The following PARK7 variants were observed in gnomAD, a reference collection of about 807,000 sequenced individuals.
PARK7 encodes the protein Parkinson disease protein 7.
In PARK7, 14 loss-of-function variants were observed where a neutral mutation model predicts 20.5. That is an observed-to-expected ratio of 0.68 (90% confidence interval 0.45 to 1.07). PARK7 has a LOEUF of 1.07. Ranked by LOEUF, PARK7 falls within the 50% of genes least tolerant of loss-of-function variation. The pLI is 0.00. For missense variants in PARK7, 234 were observed against 238.1 expected (o/e 0.98, Z 0.11); for synonymous variants, 98 against 84.3 (o/e 1.16, Z -0.89).
intron 5 of PARK7, among the ~76,000 whole-genome samples, chr1:7,973,582 C>T (rs1197448463): frequency 1.3e-5 from 2 of 152,064 alleles, no homozygotes; most frequent in Non-Finnish European, 2.9e-5. Context: ...GGCGTGGTGG[C>T]GCGTGCCTGT....
intron 4 of PARK7, 127 bp from the exon 5 acceptor site, chr1:7,970,767 A>G: frequency 1.2e-6 from 1 of 850,998 alleles, no homozygotes; most frequent in Non-Finnish European, 1.9e-6. Flanking sequence ...ATTTAGAAAT[A>G]TTGTTGGAAA....
At chr1:7,965,215 C>G (rs7517357) in intron 2 of PARK7, 109 bp from the exon 3 acceptor site, 1 of 967,774 alleles carries the variant, frequency 1.0e-6, no homozygotes, top group Non-Finnish European at 1.6e-6. Context: ...GCCCTCTAGC[C>G]CAGGTGACAG....
At chr1:7,976,151 A>G (rs1232592206) in intron 5 of PARK7, among the ~76,000 whole-genome samples, 1 of 152,206 alleles carries the variant, frequency 6.6e-6, no homozygotes, top group Admixed American at 6.5e-5. Flanking sequence ...ATGAAAGGAC[A>G]GTAAGACCAA....
intron 5 of PARK7, among the ~76,000 whole-genome samples, chr1:7,974,894 T>G (rs796335223): frequency 6.6e-6 from 1 of 151,408 alleles, no homozygotes; most frequent in Non-Finnish European, 1.5e-5. Flanking sequence ...TTGCTCTTGT[T>G]GCCCAAGCTG....
At chr1:7,963,914 T>G (rs915329145) in intron 2 of PARK7, among the ~76,000 whole-genome samples, 2 of 151,512 alleles carry the variant, frequency 1.3e-5, no homozygotes, top group Non-Finnish European at 2.9e-5. Flanking sequence ...CCTCCTGGGT[T>G]CAAGCAGTTC....
At chr1:7,974,263 C>A (rs1640527170) in intron 5 of PARK7, among the ~76,000 whole-genome samples, 1 of 151,114 alleles carries the variant, frequency 6.6e-6, no homozygotes, top group African/African-American at 2.4e-5. Context: ...TTTGAGGTTA[C>A]ATTGAGATGT....
intron 5 of PARK7, 78 bp from the exon 6 acceptor site, chr1:7,977,574 T>C: frequency 7.8e-7 from 1 of 1,282,794 alleles, no homozygotes. Flanking sequence ...CATGAGCCAC[T>C]GTGCCAGGCA....
In PARK7 at chr1:7,973,867, C is replaced by T. The variant is rs190103683; in HGVS notation, c.322+2904C>T. 3.0e-3 allele frequency among the ~76,000 whole-genome samples: 455 copies of T among 149,962 alleles called. 3 individuals carry two copies. Among genetic ancestry groups the T allele is most frequent in the Middle Eastern group, 0.01 (3 of 292 alleles). ...AGATTGCAGTGAGCCGAGATCGTGC[C>T]ACTGCACTCCAGCCTGAGCGACAGA... On this transcript the variant is annotated intron_variant, in intron 5 of 6. Coordinates refer to ENST00000338639, the MANE Select transcript of PARK7 (RefSeq NM_007262.5).
In PARK7 at chr1:7,984,896, CAT is replaced by C; in HGVS notation, c.413_414del (p.His138LeufsTer5). 6.2e-7 allele frequency: 1 copy of C among 1,614,122 alleles called. No individual in the cohort carries two copies. The highest frequency in any genetic ancestry group is 8.5e-7 in the Non-Finnish European group (1 of 1,180,034). ...LAKDKMMNGG[H>X]YTYSENRVEK... is the part of the protein sequence containing the mutation. ...CCTTTTCTGTTTCTACTTTGCAGGT[CAT>C]TACACCTACTCTGAGAATCGTGTGG... On this transcript the variant is annotated frameshift_variant, in exon 7 of 7. Transcript: ENST00000338639. LOFTEE classifies it high-confidence loss of function. The surrounding 1 kb of genome is among the most constrained non-coding windows in gnomAD (Gnocchi z 4.3).
At chr1:7,968,960 A>G (rs1239478541) in intron 3 of PARK7, 1 of 174,414 alleles carries the variant, frequency 5.7e-6, no homozygotes, top group Admixed American at 5.7e-5. Flanking sequence ...CCCATTAGCA[A>G]CTAGAGTGTC....
At chr1:7,980,335 C>T (rs1171528266) in intron 6 of PARK7, among the ~76,000 whole-genome samples, 6 of 152,096 alleles carry the variant, frequency 3.9e-5, no homozygotes, top group African/African-American at 4.8e-5. Context: ...ACAAGCGGAG[C>T]GCGCTCCTGC....
intron 4 of PARK7, 135 bp downstream of exon 4, chr1:7,969,539 GA>G: frequency 1.4e-6 from 1 of 721,298 alleles, no homozygotes; most frequent in East Asian, 2.7e-5. Context: ...AAAAAAAATA[GA>G]AACAACTAAA....
intron 5 of PARK7, chr1:7,971,392 G>A (rs1640462080): frequency 3.9e-6 from 1 of 259,354 alleles, no homozygotes; most frequent in Non-Finnish European, 7.6e-6. Flanking sequence ...GGCTTCTCGG[G>A]CGTTTCTGAT....
At chr1:7,981,666 T>TTTG (rs1640712187) in intron 6 of PARK7, among the ~76,000 whole-genome samples, 1 of 150,894 alleles carries the variant, frequency 6.6e-6, no homozygotes, top group Non-Finnish European at 1.5e-5. Context: ...TTTTGTTTTT[T>TTTG]TTTTTTTTTT....
At chr1:7,970,871 A>G (rs760752462) in intron 4 of PARK7, 23 bp from the exon 5 acceptor site, 1 of 1,613,560 alleles carries the variant, frequency 6.2e-7, no homozygotes, top group Non-Finnish European at 8.5e-7. Flanking sequence ...AACTTTATGT[A>G]TTTTTGGTTT....
chr1:7,965,553 T>A (rs1437818830), intron 3 of PARK7, 128 bp downstream of exon 3: 12 of 801,148 alleles, frequency 1.5e-5, no homozygotes, highest in Non-Finnish European at 2.6e-5. Flanking sequence ...CCTGACAGAT[T>A]AAGAGGGTGA....
At chr1:7,965,944 G>A (rs769133563) in intron 3 of PARK7, among the ~76,000 whole-genome samples, 36 of 152,096 alleles carry the variant, frequency 2.4e-4, no homozygotes, top group Non-Finnish European at 5.9e-5. Context: ...CACGTAGCTC[G>A]GACTACAGGC....
At chr1:7,983,949 AGATTGT>A (rs1380103043) in intron 6 of PARK7, among the ~76,000 whole-genome samples, 3 of 152,226 alleles carry the variant, frequency 2.0e-5, no homozygotes, top group Non-Finnish European at 2.9e-5. Flanking sequence ...AAATGTTCAT[AGATTGT>A]GATAGATTGT....
chr1:7,966,221 G>A (rs1442728114), intron 3 of PARK7, among the ~76,000 whole-genome samples: 2 of 152,072 alleles, frequency 1.3e-5, no homozygotes, highest in African/African-American at 4.8e-5. Context: ...GCTCACAGAT[G>A]GCTGGTTGCA....
Sources: gnomAD v4.1 joint callset for allele counts (sites outside exome capture counted in the v4.1 genomes callset) on GRCh38, gnomAD v4.1.1 for gene constraint, Gnocchi (gnomAD v3.1) non-coding constraint, MANE v1.5 for transcripts, NCBI Gene and HGNC (gene_info 2026-07-23, HGNC 2026-07-21) for gene names.